BTG4: variants seen among roughly 807,000 people sequenced by gnomAD.
BTG4 encodes protein BTG4.
BTG4 carries 10 observed loss-of-function variants against 19.3 expected under a neutral mutation model. The observed-to-expected ratio is 0.52, with a 90% confidence interval of 0.32 to 0.88. The LOEUF is 0.88. Ranked by LOEUF, BTG4 falls within the 40% of genes least tolerant of loss-of-function variation. The pLI is 0.04. For missense variants in BTG4, 238 were observed against 281.9 expected (o/e 0.84, Z 1.11); for synonymous variants, 91 against 95.7 (o/e 0.95, Z 0.29).
chr11:111,484,067 G>A (rs550960307), intron 5 of BTG4, among the ~76,000 whole-genome samples: 2 of 152,086 alleles, frequency 1.3e-5, no homozygotes, highest in African/African-American at 4.8e-5. Flanking sequence ...AGAGTGGAAT[G>A]ACATTCAAAG....
At chr11:111,444,778 G>A in the BTG4 span, among the ~76,000 whole-genome samples, 1 of 152,098 alleles carries the variant, frequency 6.6e-6, no homozygotes, top group Admixed American at 6.5e-5. Context: ...AGAACTGGAT[G>A]AAAGGCAACA....
At chr11:111,429,724 C>A in the BTG4 span, among the ~76,000 whole-genome samples, 1 of 152,322 alleles carries the variant, frequency 6.6e-6, no homozygotes, top group South Asian at 2.1e-4. Flanking sequence ...CCAAGAAGTT[C>A]TGTAGCAACT....
the BTG4 span, among the ~76,000 whole-genome samples, chr11:111,437,707 C>T: frequency 2.0e-5 from 3 of 152,188 alleles, no homozygotes; most frequent in Admixed American, 6.5e-5. Flanking sequence ...CACTACCCAG[C>T]AGCTCAGGAG....
chr11:111,470,754 A>C (rs900120088), intron 5 of BTG4, among the ~76,000 whole-genome samples: 27 of 152,026 alleles, frequency 1.8e-4, no homozygotes, highest in Admixed American at 3.3e-4. Context: ...CCATCTCTAC[A>C]AAAATAAAAT....
At chr11:111,509,523 C>T (rs1044533907) in intron 1 of BTG4, among the ~76,000 whole-genome samples, 38 of 151,962 alleles carry the variant, frequency 2.5e-4, no homozygotes, top group Non-Finnish European at 2.2e-4. Flanking sequence ...AGTGAAACCC[C>T]ATCTCTACTA....
At chr11:111,397,579 C>T in the BTG4 span, 1 of 152,208 alleles carries the variant, frequency 6.6e-6, no homozygotes, top group Non-Finnish European at 1.5e-5. Flanking sequence ...ACATCACTTA[C>T]CCAGAGAGGA....
chr11:111,454,408 G>A, the BTG4 span: 1 of 428,084 alleles, frequency 2.3e-6, no homozygotes, highest in Non-Finnish European at 4.6e-6. Context: ...AGGAACATGT[G>A]GGGCTAGAAA....
the BTG4 span, among the ~76,000 whole-genome samples, chr11:111,442,869 A>G: frequency 3.9e-5 from 6 of 152,258 alleles, no homozygotes; most frequent in Non-Finnish European, 5.9e-5. Context: ...AACTTACGTT[A>G]ATTTCAAATA....
chr11:111,442,546 C>CA, the BTG4 span, among the ~76,000 whole-genome samples: 8,780 of 141,538 alleles, frequency 0.062, 382 homozygotes, highest in African/African-American at 0.1. Context: ...ACACACACAC[C>CA]AGATGAGCCT....
the BTG4 span, among the ~76,000 whole-genome samples, chr11:111,405,404 CAAAAAAAAAAAAAAAAA>C: frequency 1.9e-5 from 1 of 53,016 alleles, no homozygotes; most frequent in African/African-American, 8.7e-5. Context: ...GACTCCGTCT[CAAAAAAAAAAAAAAAAA>C]AAAAAAAAAA....
At chr11:111,490,851 C>T (rs1249802896), downstream of BTG4, among the ~76,000 whole-genome samples, 2 of 152,206 alleles carry the variant, frequency 1.3e-5, no homozygotes, top group East Asian at 1.9e-4. Flanking sequence ...ACTAAGCATG[C>T]AACTACTATA....
chr11:111,404,503 C>A, the BTG4 span: 2 of 445,050 alleles, frequency 4.5e-6, no homozygotes, highest in African/African-American at 2.0e-5. Context: ...GTGAAGCACA[C>A]CATGAAACAG....
intron 5 of BTG4, among the ~76,000 whole-genome samples, chr11:111,479,447 T>G (rs1213894624): frequency 1.3e-5 from 2 of 151,968 alleles, no homozygotes; most frequent in African/African-American, 4.8e-5. Context: ...CTGTTCTCTA[T>G]TTTTAAAAAA....
the BTG4 span, among the ~76,000 whole-genome samples, chr11:111,433,935 C>T: frequency 6.6e-6 from 1 of 152,190 alleles, no homozygotes; most frequent in African/African-American, 2.4e-5. Flanking sequence ...AATAGGAATG[C>T]TTTCACACTG....
chr11:111,447,573 C>T, the BTG4 span, among the ~76,000 whole-genome samples: 1 of 152,126 alleles, frequency 6.6e-6, no homozygotes, highest in Non-Finnish European at 1.5e-5. Flanking sequence ...GTTATGCACA[C>T]GCATGCACAC....
the BTG4 span, among the ~76,000 whole-genome samples, chr11:111,410,968 A>T: frequency 0.029 from 4,457 of 152,252 alleles, 98 homozygotes; most frequent in Middle Eastern, 0.13. Context: ...TCTAATATAC[A>T]ACTACTTCTC....
chr11:111,418,589 C>T, the BTG4 span, among the ~76,000 whole-genome samples: 2 of 152,286 alleles, frequency 1.3e-5, no homozygotes, highest in African/African-American at 4.8e-5. Context: ...GGAGATTCTG[C>T]AGCGCCTATC....
chr11:111,464,289 G>A (rs115915705), downstream of BTG4, among the ~76,000 whole-genome samples: 3,775 of 152,248 alleles, frequency 0.025, 152 homozygotes, highest in African/African-American at 0.083. Flanking sequence ...ATGAGCCACT[G>A]TTCCCAGCCC....
At chr11:111,468,128 G>C (rs887762284) in intron 5 of BTG4, among the ~76,000 whole-genome samples, 5 of 152,224 alleles carry the variant, frequency 3.3e-5, no homozygotes, top group Admixed American at 1.3e-4. Flanking sequence ...ATCGATACTG[G>C]AGGGTTAGAA....
Sources: allele counts gnomAD v4.1 joint callset (sites outside exome capture counted in the v4.1 genomes callset), GRCh38; gene constraint gnomAD v4.1.1; transcripts MANE v1.5; gene names NCBI Gene and HGNC (gene_info 2026-07-23, HGNC 2026-07-21).